The following NEB variants were observed in gnomAD, a reference collection of about 807,000 sequenced individuals.
NEB encodes nemaline myopathy type 2.
A neutral mutation model predicts 952.2 loss-of-function variants in NEB; 512 were observed. That is an observed-to-expected ratio of 0.54 (90% confidence interval 0.50 to 0.58). The LOEUF is 0.58. Among genes scored for constraint, NEB ranks in the 20% least tolerant of loss-of-function variants. NEB has a pLI of 0.00. For missense variants in NEB, 8,428 were observed against 9,231.1 expected, an observed-to-expected ratio of 0.91 and a Z score of 3.56; for synonymous variants, 2,900 against 3,149.8, an observed-to-expected ratio of 0.92 and a Z score of 2.66.
intron 174 of NEB, 78 bp downstream of exon 174, chr2:151,494,083 G>A: frequency 8.0e-7 from 1 of 1,242,650 alleles, no homozygotes; most frequent in Non-Finnish European, 1.2e-6. Context: ...TTTTTAACCT[G>A]GGACAGGGTT....
intron 148 of NEB, 85 bp from the exon 149 acceptor site, chr2:151,526,347 C>T (rs1255931857): frequency 2.2e-6 from 2 of 907,652 alleles, no homozygotes; most frequent in Non-Finnish European, 3.6e-6. Flanking sequence ...AGTAGAACAG[C>T]AGCGTTGACA....
Position 151,710,174 on chromosome 2 carries a change from C to A in NEB, c.927+260G>T, listed in dbSNP as rs148268080. Among the ~76,000 whole-genome samples the A allele has an allele frequency of 1.9e-3, 286 of 152,322 alleles. 2 individuals are homozygous for A. Among genetic ancestry groups the A allele is most frequent in the African/African-American group, 6.4e-3 (266 of 41,566 alleles). ...TTTAACTTGTACTAATCTCACTTTG[C>A]AGTCAGTAAGAGGGTCTTACCATAA... On this transcript the variant is annotated intron_variant, in intron 11 of 181. Transcript: ENST00000397345.
intron 167 of NEB, among the ~76,000 whole-genome samples, chr2:151,501,818 G>A (rs768543818): frequency 1.3e-4 from 19 of 151,918 alleles, no homozygotes; most frequent in Non-Finnish European, 2.8e-4. Context: ...CATTAAATTA[G>A]GGAACCAAAG....
rs1560038472 is a variant in NEB, at chr2:151,568,431, A to AAT, written c.17635-16_17635-15dup. ...CCGGTATTTAATCTAAAAAAAAAAA[A>AAT]ATGAGAGGCAAGGGGGCAAGTTACT... On this transcript the variant is annotated splice_polypyrimidine_tract_variant and intron_variant, in intron 111 of 181. Coordinates refer to ENST00000397345, the MANE Select transcript of NEB (RefSeq NM_001164508.2). 1 of 1,604,510 alleles carries AAT rather than the reference A, an allele frequency of 6.2e-7. No homozygotes were observed. Among genetic ancestry groups the AAT allele is most frequent in the South Asian group, 1.1e-5 (1 of 90,824 alleles).
chr2:151,548,236 C>A, intron 131 of NEB, 72 bp downstream of exon 131: 1 of 1,213,686 alleles, frequency 8.2e-7, no homozygotes. Context: ...AAGATTAATT[C>A]TTAATGCATT....
intron 77 of NEB, among the ~76,000 whole-genome samples, chr2:151,613,056 A>G (rs916336711): frequency 8.5e-5 from 13 of 152,160 alleles, no homozygotes; most frequent in African/African-American, 3.1e-4. Context: ...AAGGGTAACA[A>G]TTCTTTTTGT....
At chr2:151,534,643 C>G (rs2092696923) in intron 142 of NEB, among the ~76,000 whole-genome samples, 1 of 152,190 alleles carries the variant, frequency 6.6e-6, no homozygotes, top group Non-Finnish European at 1.5e-5. Context: ...GGGTACTGAT[C>G]AGCTACAGCT....
rs201483656 is a variant in NEB, at chr2:151,612,236, C to A, written c.11755G>T (p.Asp3919Tyr). Residue 3919 changes from aspartate to tyrosine, a missense_variant, in exon 78 of 182, where the codon GAC becomes TAC. This residue lies in a region of NEB where 337 missense variants were observed against 297.5 expected (regional missense o/e 1.13). Transcript: ENST00000397345. The stretch of plus-strand genomic sequence containing the variant: ...TTTGCTAGGACAATTTCCGGAGTGT[C>A]GGTAATGCATGTGAATTTGAGCTGG... ...ADQLKFTCITDTPEIVLAKNN... is the reference protein window; with the variant it reads ...ADQLKFTCITYTPEIVLAKNN... 7.9e-5 allele frequency: 128 copies of A among 1,613,818 alleles called. No individual in the cohort carries two copies. The highest frequency in any genetic ancestry group is 1.1e-4 in the Non-Finnish European group (127 of 1,179,826).
chr2:151,648,699 C>T (rs989256748), intron 54 of NEB, among the ~76,000 whole-genome samples: 1 of 152,150 alleles, frequency 6.6e-6, no homozygotes, highest in African/African-American at 2.4e-5. Context: ...CATGCCACTC[C>T]CCAGTTGTAA....
At chr2:151,576,404 G>A (rs754082773) in intron 105 of NEB, 50 bp from the exon 106 acceptor site, 1 of 1,381,706 alleles carries the variant, frequency 7.2e-7, no homozygotes, top group Admixed American at 2.0e-5. Flanking sequence ...TGTTGTGTAT[G>A]TGTGTGGTAA....
intron 25 of NEB, 53 bp from the exon 26 acceptor site, chr2:151,687,786 TA>T (rs1160911834): frequency 1.4e-6 from 2 of 1,467,486 alleles, no homozygotes; most frequent in Non-Finnish European, 1.9e-6. Context: ...TGTAATCCAG[TA>T]AAAAAATAAA....
At chr2:151,672,909 A>T (rs958221356) in intron 36 of NEB, among the ~76,000 whole-genome samples, 1 of 152,246 alleles carries the variant, frequency 6.6e-6, no homozygotes, top group African/African-American at 2.4e-5. Flanking sequence ...ACTCCTACAG[A>T]TAATTTGCAT....
chr2:151,608,905 C>CAAAAAAAAA (rs1163520121), intron 81 of NEB, among the ~76,000 whole-genome samples: 2 of 34,432 alleles, frequency 5.8e-5, no homozygotes, highest in African/African-American at 2.5e-4. Context: ...CTCCGTCTCA[C>CAAAAAAAAA]AAAAAAAAAA....
rs763647565 is a variant in NEB at position 151,537,135 on chromosome 2, G to A, written c.21204C>T (p.Ser7068=). The change falls in exon 141 of 182, where the codon AGC becomes AGT. Residue 7068 remains serine (S), a synonymous_variant. Transcript: ENST00000397345. ...TLAEKNKTLY[S]KYKYKEVFER... ...AATTCTCCTTGAGTATATATACCTT[G>A]CTGTAGAGAGTCTTGTTCTTTTCAG... The A allele has an allele frequency of 1.2e-6, 2 of 1,601,014 alleles. No homozygotes were observed. The highest frequency in any genetic ancestry group is 2.7e-5 in the African/African-American group (2 of 74,562).
At chr2:151,636,783 A>AAAAAT (rs2098770499) in intron 63 of NEB, among the ~76,000 whole-genome samples, 1 of 152,144 alleles carries the variant, frequency 6.6e-6, no homozygotes, top group African/African-American at 2.4e-5. Flanking sequence ...CTCCATCTCA[A>AAAAAT]AAAACAAAAC....
chr2:151,685,676 TC>T (rs1381970014), intron 27 of NEB, among the ~76,000 whole-genome samples: 3 of 152,232 alleles, frequency 2.0e-5, no homozygotes, highest in Non-Finnish European at 2.9e-5. Flanking sequence ...CCTCAAGGAC[TC>T]CCTTCATTGT....
At position 151,576,240 on chromosome 2, in the gene NEB, G is replaced by C. The variant is rs368167657; in HGVS notation, c.16819C>G (p.Arg5607Gly). Residue 5607 changes from arginine to glycine, a missense_variant, in exon 106 of 182, where the codon CGG (arginine) becomes GGG (glycine). By Grantham distance (125) the Arg-to-Gly change is moderately radical. This residue lies in a region of NEB where 3,374 missense variants were observed against 3,651.5 expected (regional missense o/e 0.92). Coordinates refer to ENST00000397345, the MANE Select transcript of NEB (RefSeq NM_001164508.2). ...TACTTAAGGTTCACCACAGGCGTCCGATAGACACTGTCACAAAAGATATTC... is the reference window on the plus strand; with the variant it reads ...TACTTAAGGTTCACCACAGGCGTCCCATAGACACTGTCACAAAAGATATTC... ...AQNIFCDSVY[R>G]TPVVNLKYTS... 1 of 1,611,230 alleles carries C rather than the reference G, an allele frequency of 6.2e-7. No individual in the cohort carries two copies. Among genetic ancestry groups the C allele is most frequent in the Non-Finnish European group, 8.5e-7 (1 of 1,178,122 alleles).
intron 47 of NEB, among the ~76,000 whole-genome samples, chr2:151,658,309 TAA>T (rs113815852): frequency 1.3e-5 from 2 of 152,242 alleles, no homozygotes; most frequent in African/African-American, 2.4e-5. Context: ...CCAGAAAAAG[TAA>T]AAGTTACTGG....
rs769704369 is a variant in NEB, at chr2:151,724,967, C to T, written c.403-6G>A. Reference sequence around the variant, plus strand: ...CCATCCATTCGATACTTAACCTGCCCAAATAATGCACAGTTAGAGTTCATG... The same window carrying T: ...CCATCCATTCGATACTTAACCTGCCTAAATAATGCACAGTTAGAGTTCATG... On this transcript the variant is annotated splice_region_variant and splice_polypyrimidine_tract_variant and intron_variant, in intron 6 of 181. Transcript: ENST00000397345. 6.2e-7 allele frequency: 1 copy of T among 1,607,326 alleles called. No homozygotes were observed. Among genetic ancestry groups the T allele is most frequent in the East Asian group, 2.2e-5 (1 of 44,864 alleles).
Sources: gnomAD v4.1 joint callset for allele counts (sites outside exome capture counted in the v4.1 genomes callset) on GRCh38, gnomAD v4.1.1 for gene constraint, gnomAD v4.1.1 regional missense constraint, MANE v1.5 for transcripts, NCBI Gene and HGNC (gene_info 2026-07-23, HGNC 2026-07-21) for gene names.